The following COPZ2 variants were observed in gnomAD, a reference collection of about 807,000 sequenced individuals.
COPZ2 encodes the protein coat protein complex I subunit zeta 2.
In COPZ2, 30 loss-of-function variants were observed where a neutral mutation model predicts 33.2. The ratio of observed to expected loss-of-function variants is 0.90; its 90% CI spans 0.68 to 1.23. The LOEUF (loss-of-function observed/expected upper bound fraction) is 1.23. Among genes scored for constraint, COPZ2 ranks in the 50% most tolerant of loss-of-function variants. COPZ2 has a pLI of 0.00. For synonymous variants in COPZ2, 89 were observed against 102.6 expected, an observed-to-expected ratio of 0.87 and a Z score of 0.80; for missense variants, 263 against 262.4, an observed-to-expected ratio of 1.00 and a Z score of -0.02.
intron 3 of COPZ2, among the ~76,000 whole-genome samples, chr17:48,033,515 G>A (rs1339751542): frequency 6.6e-6 from 1 of 152,164 alleles, no homozygotes; most frequent in Non-Finnish European, 1.5e-5. Context: ...AGGCCAAGGA[G>A]TCAACAAGCC....
chr17:48,029,692 G>A (rs1164221764), intron 6 of COPZ2, among the ~76,000 whole-genome samples: 1 of 150,676 alleles, frequency 6.6e-6, no homozygotes, highest in Non-Finnish European at 1.5e-5. Flanking sequence ...TTTAAGGCTG[G>A]GCACGGTGGC....
At chr17:48,047,965 T>C in the COPZ2 span, 1 of 152,346 alleles carries the variant, frequency 6.6e-6, no homozygotes, top group African/African-American at 2.4e-5. Flanking sequence ...CACCTTCCTA[T>C]TCCCTGACCT....
intron 4 of COPZ2, 96 bp from the exon 5 acceptor site, chr17:48,032,837 G>C (rs1231137892): frequency 1.3e-5 from 12 of 955,964 alleles, no homozygotes; most frequent in African/African-American, 4.9e-5. Context: ...CAGCAATGGA[G>C]AGTTTCAGAG....
chr17:48,032,276 G>T (rs1450056490), intron 5 of COPZ2, 43 bp from the exon 6 acceptor site: 14 of 1,548,648 alleles, frequency 9.0e-6, no homozygotes, highest in African/African-American at 1.4e-5. Context: ...GTGGCTGGGA[G>T]GAACTGAGTC....
At chr17:48,026,785 G>C (rs1232984082) in intron 8 of COPZ2, among the ~76,000 whole-genome samples, 1 of 152,258 alleles carries the variant, frequency 6.6e-6, no homozygotes, top group Non-Finnish European at 1.5e-5. Flanking sequence ...CCCGCCCACA[G>C]TGCCACGTCC....
At chr17:48,035,616 G>A (rs946099021) in intron 2 of COPZ2, among the ~76,000 whole-genome samples, 3 of 151,952 alleles carry the variant, frequency 2.0e-5, no homozygotes, top group Non-Finnish European at 4.4e-5. Flanking sequence ...GTAGAGATGG[G>A]GTGTGCCATG....
chr17:48,039,000 G>C (rs189915526), upstream of COPZ2, among the ~76,000 whole-genome samples: 91 of 151,830 alleles, frequency 6.0e-4, no homozygotes, highest in South Asian at 0.01. Flanking sequence ...TTTGAGACAC[G>C]GTCTCACTCT....
rs1331113037 is a variant in COPZ2 at position 48,037,432 on chromosome 17, C to A, written c.111+235G>T. Among the ~76,000 whole-genome samples, 1 of 152,210 alleles carries A rather than the reference C, an allele frequency of 6.6e-6. No individual in the cohort carries two copies. Among genetic ancestry groups the A allele is most frequent in the Admixed American group, 6.5e-5 (1 of 15,282 alleles). On this transcript the variant is annotated intron_variant, in intron 1 of 8. Transcript: ENST00000621465. The surrounding 1 kb of genome is among the most constrained non-coding windows in gnomAD (Gnocchi z 5.6). ...CCGCGGAATCGCAACTCACCCGCCA[C>A]CCCCACTCCAAACGGACCCAGAACT...
intron 2 of COPZ2, among the ~76,000 whole-genome samples, chr17:48,035,342 C>T (rs1482998006): frequency 2.0e-5 from 3 of 152,144 alleles, no homozygotes; most frequent in Non-Finnish European, 2.9e-5. Context: ...CCCTAGTGGC[C>T]GCTGCTTATT....
Position 48,026,342 on chromosome 17 carries a change from G to C in COPZ2, c.*86C>G. 3 of 1,051,918 alleles carry C rather than the reference G, an allele frequency of 2.9e-6. No homozygotes were observed. The highest frequency in any genetic ancestry group is 4.4e-6 in the Non-Finnish European group (3 of 684,890). The allele number at this position is 1,051,918 out of a possible 1,614,324, so 65.2% of individuals were successfully genotyped here. Reference sequence around the variant, plus strand: ...CTGGGAGGGACCTGGGGATACAGAGGGGTCTCTCCTGACCCTGGGATCTTT... The same window carrying C: ...CTGGGAGGGACCTGGGGATACAGAGCGGTCTCTCCTGACCCTGGGATCTTT... On this transcript the variant is annotated 3_prime_UTR_variant, in exon 9 of 9. Coordinates refer to ENST00000621465, the MANE Select transcript of COPZ2 (RefSeq NM_016429.4).
the COPZ2 span, chr17:48,043,632 G>T: frequency 1.1e-6 from 1 of 878,044 alleles, no homozygotes; most frequent in Non-Finnish European, 1.4e-6. Context: ...CTGAGATAAA[G>T]TTGTAGGGTG....
rs117418848 is a variant in COPZ2 at position 48,031,135 on chromosome 17, G to A, written c.494+1021C>T. Among the ~76,000 whole-genome samples the A allele has an allele frequency of 8.3e-3, 1,271 of 152,260 alleles. 10 individuals carry two copies. The highest frequency in any genetic ancestry group is 0.013 in the Non-Finnish European group (879 of 68,024). On this transcript the variant is annotated intron_variant, in intron 6 of 8. Transcript: ENST00000621465. The stretch of plus-strand genomic sequence containing the variant: ...GTATAAAATGATGTAATGATAGAGG[G>A]ATGTATGTTTTTAAGGAGCTCAAGA...
upstream of COPZ2, among the ~76,000 whole-genome samples, chr17:48,041,994 T>A (rs372774097): frequency 9.3e-5 from 14 of 151,106 alleles, no homozygotes; most frequent in African/African-American, 3.2e-4. Context: ...GGGGAAGGAG[T>A]CAGTTATACA....
upstream of COPZ2, among the ~76,000 whole-genome samples, chr17:48,041,440 G>T (rs78113475): frequency 0.025 from 3,861 of 152,274 alleles, 68 homozygotes; most frequent in Non-Finnish European, 0.038. Flanking sequence ...GTAAGGGACA[G>T]GCAAGCCAGA....
chr17:48,028,463 G>A lies in COPZ2; in HGVS notation c.585+9C>T, dbSNP rs758581839. ...CATTTCTAGCCAAGGCAGATGCAGG[G>A]GGGCCTACCTGGGCCACACTCTGTT... On this transcript the variant is annotated intron_variant, in intron 8 of 8. Transcript: ENST00000621465. The surrounding 1 kb of genome is among the most constrained non-coding windows in gnomAD (Gnocchi z 4.5). 6.2e-7 allele frequency: 1 copy of A among 1,608,516 alleles called. No individual in the cohort carries two copies. The highest frequency in any genetic ancestry group is 2.2e-5 in the East Asian group (1 of 44,706).
intron 2 of COPZ2, 48 bp from the exon 3 acceptor site, chr17:48,033,992 G>T: frequency 1.5e-6 from 2 of 1,357,106 alleles, no homozygotes; most frequent in South Asian, 2.5e-5. Flanking sequence ...ACACAGCCTG[G>T]ATCCTCCCTA....
At chr17:48,043,287 A>G in the COPZ2 span, among the ~76,000 whole-genome samples, 1 of 152,236 alleles carries the variant, frequency 6.6e-6, no homozygotes, top group African/African-American at 2.4e-5. Context: ...GATTCAAAGC[A>G]GGTTCTCCTC....
rs937590793 is a variant in COPZ2 at position 48,028,028 on chromosome 17, C to T, written c.585+444G>A. ...GATCCTATCATGGGTTTGAGAGTCC[C>T]TTAACAATCCCAGTGTGCACCCTAA... On this transcript the variant is annotated intron_variant, in intron 8 of 8. Transcript: ENST00000621465. The surrounding 1 kb of genome is among the most constrained non-coding windows in gnomAD (Gnocchi z 4.5). 2.6e-5 allele frequency among the ~76,000 whole-genome samples: 4 copies of T among 152,166 alleles called. No homozygotes were observed. The highest frequency in any genetic ancestry group is 4.4e-5 in the Non-Finnish European group (3 of 68,030).
intron 6 of COPZ2, chr17:48,029,508 C>A: frequency 2.4e-6 from 1 of 411,884 alleles, no homozygotes; most frequent in Non-Finnish European, 4.3e-6. Context: ...GTTCACTTCA[C>A]TTTCTGGGTA....
Sources: allele counts gnomAD v4.1 joint callset (sites outside exome capture counted in the v4.1 genomes callset), GRCh38; gene constraint gnomAD v4.1.1; non-coding constraint Gnocchi (gnomAD v3.1); transcripts MANE v1.5; gene names NCBI Gene and HGNC (gene_info 2026-07-23, HGNC 2026-07-21).